CTNNA3: variants seen among roughly 807,000 people sequenced by gnomAD.
CTNNA3 encodes the protein catenin alpha 3, also known as catenin alpha-3.
In CTNNA3, 76 loss-of-function variants were observed where a neutral mutation model predicts 95.7. The observed-to-expected ratio is 0.79, with a 90% CI of 0.66 to 0.96. CTNNA3 has a LOEUF of 0.96. CTNNA3 is among the 40% of genes least tolerant of loss of function. The pLI is 0.00. For synonymous variants in CTNNA3, 431 were observed against 374.4 expected, an observed-to-expected ratio of 1.15 and a Z score of -1.74; for missense variants, 1,191 against 1,089.8, an observed-to-expected ratio of 1.09 and a Z score of -1.31.
chr10:67,103,696 C>T (rs1858468696), intron 7 of CTNNA3, among the ~76,000 whole-genome samples: 1 of 151,428 alleles, frequency 6.6e-6, no homozygotes, highest in Non-Finnish European at 1.5e-5. Flanking sequence ...AGCACATTTT[C>T]AAAAGTGAGA....
chr10:67,248,149 G>T (rs186053531), intron 5 of CTNNA3, among the ~76,000 whole-genome samples: 1 of 152,014 alleles, frequency 6.6e-6, no homozygotes, highest in South Asian at 2.1e-4. Context: ...TGGCAAAACC[G>T]TATCTTAATT....
intron 11 of CTNNA3, among the ~76,000 whole-genome samples, chr10:66,401,011 T>C (rs2093015898): frequency 6.6e-6 from 1 of 152,226 alleles, no homozygotes; most frequent in South Asian, 2.1e-4. Flanking sequence ...TGTCATAATA[T>C]AGAGAAGCAA....
chr10:67,302,002 C>CGAAAGAAAGAAAGAAAGAAAGAAAGAAA (rs1204389443), intron 5 of CTNNA3, among the ~76,000 whole-genome samples: 2 of 55,922 alleles, frequency 3.6e-5, no homozygotes, highest in Non-Finnish European at 3.3e-5. Flanking sequence ...AACGAAAGAA[C>CGAAAGAAAGAAAGAAAGAAAGAAAGAAA]GAAAGAAAGA....
At chr10:67,467,037 C>A (rs1456936485) in intron 5 of CTNNA3, among the ~76,000 whole-genome samples, 1 of 152,026 alleles carries the variant, frequency 6.6e-6, no homozygotes, top group Non-Finnish European at 1.5e-5. Context: ...GCTAGGGAGG[C>A]TGAGGTGGGA....
intron 3 of CTNNA3, among the ~76,000 whole-genome samples, chr10:67,580,848 G>A (rs1338577526): frequency 8.6e-5 from 13 of 151,924 alleles, no homozygotes; most frequent in African/African-American, 3.1e-4. Context: ...CTCATGATTT[G>A]GCTCTCTGTT....
chr10:66,900,126 G>A (rs1845675352), intron 7 of CTNNA3, among the ~76,000 whole-genome samples: 1 of 152,066 alleles, frequency 6.6e-6, no homozygotes, highest in Non-Finnish European at 1.5e-5. Flanking sequence ...GCAAGTGGCT[G>A]CCCCTCTGGG....
intron 4 of CTNNA3, among the ~76,000 whole-genome samples, chr10:67,526,564 C>T (rs961176190): frequency 6.6e-6 from 1 of 152,128 alleles, no homozygotes; most frequent in African/African-American, 2.4e-5. Context: ...ATCTATAACA[C>T]AGGACAAATT....
intron 12 of CTNNA3, among the ~76,000 whole-genome samples, chr10:66,336,872 A>G (rs2092403247): frequency 2.0e-5 from 3 of 152,110 alleles, no homozygotes; most frequent in Admixed American, 2.0e-4. Context: ...TGTAAAGTCA[A>G]ACTATTTTTG....
intron 10 of CTNNA3, among the ~76,000 whole-genome samples, chr10:66,593,818 T>C (rs1843626929): frequency 6.6e-6 from 1 of 152,140 alleles, no homozygotes; most frequent in Admixed American, 6.5e-5. Flanking sequence ...CTCTTTTTCC[T>C]TCTTTGGCTA....
intron 5 of CTNNA3, among the ~76,000 whole-genome samples, chr10:67,284,200 C>T (rs1164691614): frequency 6.6e-6 from 1 of 152,140 alleles, no homozygotes; most frequent in Non-Finnish European, 1.5e-5. Context: ...GCCTTAATTT[C>T]CAGAGTTCTG....
chr10:67,263,350 G>T (rs1163115830), intron 5 of CTNNA3, among the ~76,000 whole-genome samples: 3 of 152,096 alleles, frequency 2.0e-5, no homozygotes, highest in Non-Finnish European at 4.4e-5. Context: ...CAACTTTCCT[G>T]TATGTCTTTG....
intron 5 of CTNNA3, among the ~76,000 whole-genome samples, chr10:67,236,591 A>G (rs10823011): frequency 0.21 from 31,483 of 150,976 alleles, 3,918 homozygotes; most frequent in African/African-American, 0.34. Flanking sequence ...TGGCGCGCCA[A>G]CATGGCACAT....
chr10:66,610,576 T>C (rs1844293631), intron 10 of CTNNA3, among the ~76,000 whole-genome samples: 1 of 152,020 alleles, frequency 6.6e-6, no homozygotes, highest in South Asian at 2.1e-4. Flanking sequence ...CAAACCCCAA[T>C]GAGATACAAT....
rs146417618 is a variant in CTNNA3, at chr10:66,509,840, C to T, written c.1531+10777G>A. 3.2e-4 allele frequency among the ~76,000 whole-genome samples: 48 copies of T among 151,764 alleles called. 1 individual carries two copies. The highest frequency in any genetic ancestry group is 1.0e-3 in the African/African-American group (42 of 41,420). On this transcript the variant is annotated intron_variant, in intron 11 of 17. Transcript: ENST00000433211. ...CTAACTATATTATATTTTGTACTATCGCCAGTTTTACCCTTTTGGCTTGGT... is the reference window on the plus strand; with the variant it reads ...CTAACTATATTATATTTTGTACTATTGCCAGTTTTACCCTTTTGGCTTGGT...
chr10:66,377,235 C>T (rs549628537), intron 12 of CTNNA3, among the ~76,000 whole-genome samples: 3 of 152,044 alleles, frequency 2.0e-5, no homozygotes, highest in African/African-American at 7.2e-5. Context: ...TAATAAGATG[C>T]TGTTTATACA....
chr10:67,397,750 C>G (rs190564322), intron 5 of CTNNA3, among the ~76,000 whole-genome samples: 5 of 152,124 alleles, frequency 3.3e-5, no homozygotes, highest in African/African-American at 1.2e-4. Flanking sequence ...AGCCCAGGGC[C>G]CCCCTGCTGT....
chr10:67,188,729 T>C (rs1371614822), intron 6 of CTNNA3, among the ~76,000 whole-genome samples: 3 of 152,130 alleles, frequency 2.0e-5, no homozygotes, highest in Admixed American at 6.5e-5. Flanking sequence ...ATAGCCAAGA[T>C]ATGGAATCAC....
chr10:67,028,575 C>A (rs1853529496), intron 7 of CTNNA3, among the ~76,000 whole-genome samples: 1 of 148,464 alleles, frequency 6.7e-6, no homozygotes, highest in African/African-American at 2.5e-5. Flanking sequence ...TTATGTCAAA[C>A]AGCATGTGCA....
At chr10:66,702,182 G>A (rs1481873648) in intron 9 of CTNNA3, among the ~76,000 whole-genome samples, 1 of 151,980 alleles carries the variant, frequency 6.6e-6, no homozygotes, top group African/African-American at 2.4e-5. Flanking sequence ...CAGCACAGCA[G>A]CATCACCAGA....
Sources: gnomAD v4.1 joint callset for allele counts (sites outside exome capture counted in the v4.1 genomes callset) on GRCh38, gnomAD v4.1.1 for gene constraint, MANE v1.5 for transcripts, NCBI Gene and HGNC (gene_info 2026-07-23, HGNC 2026-07-21) for gene names.